DOK6: variants seen among roughly 807,000 people sequenced by gnomAD.
DOK6 encodes docking protein 6.
Under a neutral mutation model 44.0 loss-of-function variants are expected in DOK6, and 22 were observed. That is an observed-to-expected ratio of 0.50 (90% CI 0.36 to 0.71). The LOEUF (loss-of-function observed/expected upper bound fraction) is 0.71, where lower values mean the gene tolerates loss of function less well. Ranked by LOEUF, DOK6 falls within the 30% of genes least tolerant of loss-of-function variation. The probability of loss-of-function intolerance (pLI) is 0.00; values close to 1 mark genes in which losing one functional copy is unlikely to be tolerated. For synonymous variants in DOK6, 166 were observed against 145.5 expected, an observed-to-expected ratio of 1.14 and a Z score of -1.01; for missense variants, 340 against 416.4, an observed-to-expected ratio of 0.82 and a Z score of 1.60.
At chr18:69,589,470 G>GA (rs1382303483) in intron 2 of DOK6, among the ~76,000 whole-genome samples, 5 of 151,924 alleles carry the variant, frequency 3.3e-5, no homozygotes, top group African/African-American at 7.2e-5. Context: ...GACTCTACTT[G>GA]AAAAAATCTA....
In DOK6 at chr18:69,411,940, G is replaced by T. The variant is rs559434033; in HGVS notation, c.66+10630G>T. ...ATTTTTCTTGCATTTCTTTCAGTTT[G>T]CTAATTTTCTATTCAACTGCAAATA... On this transcript the variant is annotated intron_variant, in intron 1 of 7. Transcript: ENST00000382713. Among the ~76,000 whole-genome samples the T allele has an allele frequency of 8.5e-5, 13 of 152,062 alleles. 1 individual carries two copies. Among genetic ancestry groups the T allele is most frequent in the Admixed American group, 8.5e-4 (13 of 15,238 alleles).
chr18:69,531,828 T>G (rs1249236454), intron 1 of DOK6, among the ~76,000 whole-genome samples: 1 of 152,126 alleles, frequency 6.6e-6, no homozygotes. Context: ...TCATGAAAAT[T>G]TAAAAATGCC....
intron 7 of DOK6, among the ~76,000 whole-genome samples, chr18:69,839,689 G>T (rs1741343690): frequency 6.6e-6 from 1 of 152,220 alleles, no homozygotes; most frequent in African/African-American, 2.4e-5. Flanking sequence ...CTGCGGGCCA[G>T]GCGAGGAGGA....
intron 2 of DOK6, among the ~76,000 whole-genome samples, chr18:69,578,232 T>C (rs186005383): frequency 8.3e-4 from 126 of 152,284 alleles, no homozygotes; most frequent in Middle Eastern, 3.4e-3. Context: ...CCGTCTATAA[T>C]GGTACTATAT....
intron 7 of DOK6, among the ~76,000 whole-genome samples, chr18:69,794,419 C>T (rs1980685396): frequency 6.6e-6 from 1 of 152,104 alleles, no homozygotes; most frequent in South Asian, 2.1e-4. Context: ...TTTTTTTAAC[C>T]ATTATGATTT....
chr18:69,469,443 C>CT (rs71176968), intron 1 of DOK6: 34,726 of 146,160 alleles, frequency 0.24, 4,414 homozygotes, highest in Non-Finnish European at 0.29. Context: ...ATAATTACGG[C>CT]TTTTTTTTTT....
intron 7 of DOK6, among the ~76,000 whole-genome samples, chr18:69,812,918 T>A (rs1981285541): frequency 6.6e-6 from 1 of 152,030 alleles, no homozygotes; most frequent in Admixed American, 6.6e-5. Flanking sequence ...CTACATCTGG[T>A]CTCTCCTAGG....
rs1568321136 is a variant in DOK6, at chr18:69,647,044, G to GTCTGTCTATCCTA, written c.290-30687_290-30686insGTCTATCCTATCT. Among the ~76,000 whole-genome samples, 4 of 58,150 alleles carry GTCTGTCTATCCTA rather than the reference G, an allele frequency of 6.9e-5. No homozygotes were observed. In the East Asian group the frequency reaches 1.2e-3, roughly 18 times the overall value. 38.1% of individuals were successfully genotyped at this position (58,150 alleles called of 152,430 possible). A position where few individuals can be genotyped will look rare whatever the true frequency, so the allele number is the denominator to read the frequency against. Reference sequence around the variant, plus strand: ...TCTCATCTATCCATCTGTCTATCCTGTCTATCTGTCTATCCTATCTGTCTA... The same window carrying GTCTGTCTATCCTA: ...TCTCATCTATCCATCTGTCTATCCTGTCTGTCTATCCTATCTATCTGTCTATCCTATCTGTCTA... On this transcript the variant is annotated intron_variant, in intron 3 of 7. Transcript: ENST00000382713.
At chr18:69,789,684 A>C (rs1239701895) in intron 7 of DOK6, among the ~76,000 whole-genome samples, 1 of 152,158 alleles carries the variant, frequency 6.6e-6, no homozygotes, top group Non-Finnish European at 1.5e-5. Context: ...TTTTGCCAAA[A>C]TTTGTATCAA....
At chr18:69,588,338 C>T (rs1425330416) in intron 2 of DOK6, among the ~76,000 whole-genome samples, 3 of 152,196 alleles carry the variant, frequency 2.0e-5, no homozygotes, top group Non-Finnish European at 2.9e-5. Flanking sequence ...TTGCTTGATT[C>T]GGTAACTCTT....
intron 1 of DOK6, chr18:69,483,566 C>G (rs1980490642): frequency 6.6e-6 from 1 of 152,110 alleles, no homozygotes; most frequent in African/African-American, 2.4e-5. Flanking sequence ...ACTCAGTTGT[C>G]TGCTGATTTC....
At chr18:69,533,088 A>G (rs375449330) in intron 1 of DOK6, among the ~76,000 whole-genome samples, 11 of 151,826 alleles carry the variant, frequency 7.2e-5, no homozygotes, top group Non-Finnish European at 1.6e-4. Flanking sequence ...GTATCCTCTT[A>G]AAAAATATCA....
At chr18:69,449,703 A>C (rs1001606380) in intron 1 of DOK6, among the ~76,000 whole-genome samples, 14 of 152,156 alleles carry the variant, frequency 9.2e-5, no homozygotes, top group South Asian at 6.2e-4. Context: ...CAGCACGCAG[A>C]TGGAGATCTG....
In DOK6 at chr18:69,691,224, T is replaced by G. The variant is rs567728075; in HGVS notation, c.410-7180T>G. ...ATAAATAAATAAATAAATAAATAAA[T>G]AAATAAAAATATAGAATTGGACTTT... On this transcript the variant is annotated intron_variant, in intron 4 of 7. Transcript: ENST00000382713. Among the ~76,000 whole-genome samples, 10 of 150,612 alleles carry G rather than the reference T, an allele frequency of 6.6e-5. No individual in the cohort carries two copies. In the South Asian group the frequency reaches 2.1e-3, roughly 31 times the overall value.
intron 1 of DOK6, among the ~76,000 whole-genome samples, chr18:69,448,816 T>C (rs1979370459): frequency 6.6e-6 from 1 of 152,266 alleles, no homozygotes; most frequent in African/African-American, 2.4e-5. Flanking sequence ...TTACTATTTA[T>C]TCTACCAATA....
chr18:69,736,914 A>G (rs1978627773), intron 5 of DOK6, among the ~76,000 whole-genome samples: 1 of 152,186 alleles, frequency 6.6e-6, no homozygotes, highest in African/African-American at 2.4e-5. Flanking sequence ...GGGGTGTGTT[A>G]AATGCAGATT....
intron 3 of DOK6, among the ~76,000 whole-genome samples, chr18:69,623,783 A>G (rs1984496487): frequency 6.6e-6 from 1 of 152,182 alleles, no homozygotes; most frequent in East Asian, 1.9e-4. Context: ...ATTTTAGGGG[A>G]GATGAAACAA....
At chr18:69,521,168 T>C (rs1278721908) in intron 1 of DOK6, among the ~76,000 whole-genome samples, 2 of 151,932 alleles carry the variant, frequency 1.3e-5, no homozygotes, top group African/African-American at 4.8e-5. Context: ...ATTATAGAAT[T>C]GTTCTTAAAC....
intron 1 of DOK6, among the ~76,000 whole-genome samples, chr18:69,485,907 A>ATG: frequency 7.5e-6 from 1 of 133,734 alleles, no homozygotes; most frequent in Non-Finnish European, 1.6e-5. Context: ...GTGTGTGTGT[A>ATG]TATGTATATC....
Sources: gnomAD v4.1 joint callset for allele counts (sites outside exome capture counted in the v4.1 genomes callset) on GRCh38, gnomAD v4.1.1 for gene constraint, MANE v1.5 for transcripts, NCBI Gene and HGNC (gene_info 2026-07-23, HGNC 2026-07-21) for gene names.